The following FOXP2 variants were observed in gnomAD, a reference collection of about 807,000 sequenced individuals.
The protein encoded by FOXP2 is forkhead box P2, also known as forkhead box protein P2.
Under a neutral mutation model 115.8 loss-of-function variants are expected in FOXP2, and 12 were observed. That is an observed-to-expected ratio of 0.10 (90% confidence interval 0.07 to 0.17). FOXP2 has a LOEUF of 0.17. Among genes scored for constraint, FOXP2 ranks in the 10% least tolerant of loss-of-function variants. FOXP2 has a pLI of 1.00. For missense variants in FOXP2, 629 were observed against 843.5 expected (o/e 0.75, Z 3.15); for synonymous variants, 328 against 297.7 (o/e 1.10, Z -1.05).
chr7:114,651,447 A>G (rs2129337410), intron 8 of FOXP2, among the ~76,000 whole-genome samples: 1 of 152,246 alleles, frequency 6.6e-6, no homozygotes, highest in South Asian at 2.1e-4. Context: ...GCTTTACTAA[A>G]TTACTTTTGG....
intron 2 of FOXP2, among the ~76,000 whole-genome samples, chr7:114,361,902 C>G (rs1791753815): frequency 6.6e-6 from 1 of 152,014 alleles, no homozygotes; most frequent in African/African-American, 2.4e-5. Context: ...GTGAATAATA[C>G]TTCTGGGTCA....
In FOXP2 at chr7:114,296,492, G is replaced by GC. The variant is rs966954167; in HGVS notation, c.-11+8383_-11+8384insC. The stretch of plus-strand genomic sequence containing the variant: ...CCTTTTCTGAAAAGTATCCTGTGGA[G>GC]TTTTTTTTTTCTTTTTGAATAAGAC... On this transcript the variant is annotated intron_variant, in intron 2 of 17. Coordinates refer to the FOXP2 transcript ENST00000634411. Among the ~76,000 whole-genome samples, 9 of 149,586 alleles carry GC rather than the reference G, an allele frequency of 6.0e-5. No homozygotes were observed. The East Asian group carries it at 1.8e-3, about 29-fold the overall frequency.
chr7:114,332,722 C>T (rs944430365), intron 2 of FOXP2, among the ~76,000 whole-genome samples: 13 of 152,058 alleles, frequency 8.5e-5, no homozygotes, highest in African/African-American at 3.1e-4. Flanking sequence ...AAATTTGTTG[C>T]CCCCATTCAT....
At chr7:114,684,949 A>G (rs978966643) in intron 16 of FOXP2, among the ~76,000 whole-genome samples, 2 of 152,038 alleles carry the variant, frequency 1.3e-5, no homozygotes, top group Admixed American at 1.3e-4. Context: ...GGCTAGTTCA[A>G]TGAACCATTT....
chr7:114,572,801 T>C (rs952627714), intron 3 of FOXP2, among the ~76,000 whole-genome samples: 1 of 151,914 alleles, frequency 6.6e-6, no homozygotes, highest in African/African-American at 2.4e-5. Context: ...CAAAAGTTTA[T>C]ATTTTCACTG....
intron 3 of FOXP2, chr7:114,538,480 T>G: frequency 1.6e-6 from 1 of 629,598 alleles, no homozygotes; most frequent in Non-Finnish European, 2.4e-6. Flanking sequence ...AAAGTTCTCC[T>G]TTCTAATAGG....
intron 1 of FOXP2, chr7:114,285,366 C>G (rs1796442244): frequency 6.6e-6 from 1 of 151,928 alleles, no homozygotes; most frequent in African/African-American, 2.4e-5. Flanking sequence ...ACTTCTATTA[C>G]CTAAATAATA....
intron 2 of FOXP2, among the ~76,000 whole-genome samples, chr7:114,367,754 AAGC>A (rs1791914929): frequency 6.6e-6 from 1 of 152,148 alleles, no homozygotes; most frequent in Non-Finnish European, 1.5e-5. Context: ...CGTTTCTCTA[AAGC>A]TAGCATTTCC....
Position 114,693,485 on chromosome 7 carries a change from C to A in FOXP2, c.*3559C>A, listed in dbSNP as rs1808782496. The A allele has an allele frequency of 4.4e-6, 2 of 452,656 alleles. No homozygotes were observed. The allele number at this position is 452,656 out of a possible 1,614,324, so 28.0% of individuals were successfully genotyped here. ...TTCATCTTACACATGCCAGTATTAA[C>A]ACACATTTGGACAATAGCTTTATTA... On this transcript the variant is annotated 3_prime_UTR_variant, in exon 17 of 17. Coordinates refer to ENST00000350908, the MANE Select transcript of FOXP2 (RefSeq NM_014491.4).
intron 16 of FOXP2, among the ~76,000 whole-genome samples, chr7:114,684,568 C>T (rs924883879): frequency 1.3e-5 from 2 of 152,094 alleles, no homozygotes; most frequent in East Asian, 1.9e-4. Flanking sequence ...TTTGAATATT[C>T]GCAGGTCATT....
intron 3 of FOXP2, among the ~76,000 whole-genome samples, chr7:114,557,787 C>CTTTATTTATTTATTTA (rs59243864): frequency 1.6e-4 from 23 of 148,120 alleles, no homozygotes; most frequent in African/African-American, 5.3e-4. Flanking sequence ...ACTGAACTGA[C>CTTTATTTATTTATTTA]TTTATTTATT....
chr7:114,409,406 T>A (rs550013093), upstream of FOXP2, among the ~76,000 whole-genome samples: 5 of 152,290 alleles, frequency 3.3e-5, no homozygotes, highest in East Asian at 5.8e-4. Context: ...TGTCAAAATA[T>A]CAGTTGTATG....
chr7:114,336,036 A>G (rs558148263), intron 2 of FOXP2, among the ~76,000 whole-genome samples: 65 of 151,898 alleles, frequency 4.3e-4, no homozygotes, highest in African/African-American at 1.5e-3. Context: ...CAGTGGCATG[A>G]GTGTGGTAAA....
intron 2 of FOXP2, among the ~76,000 whole-genome samples, chr7:114,452,153 C>T (rs1433908803): frequency 3.3e-5 from 5 of 151,814 alleles, no homozygotes; most frequent in Non-Finnish European, 5.9e-5. Flanking sequence ...TTTCTTTCTT[C>T]CTGGCAGTGA....
intron 13 of FOXP2, among the ~76,000 whole-genome samples, chr7:114,660,264 T>TA (rs1173909141): frequency 3.9e-5 from 6 of 151,976 alleles, no homozygotes; most frequent in Non-Finnish European, 7.4e-5. Flanking sequence ...TACAAGGAGC[T>TA]AAAAAAAATG....
chr7:114,234,492 C>T (rs1404784171), intron 1 of FOXP2, among the ~76,000 whole-genome samples: 1 of 152,176 alleles, frequency 6.6e-6, no homozygotes, highest in African/African-American at 2.4e-5. Flanking sequence ...TTAACGTTAG[C>T]AATATAGCTT....
chr7:114,243,080 T>C (rs2129167930), intron 1 of FOXP2, among the ~76,000 whole-genome samples: 1 of 152,204 alleles, frequency 6.6e-6, no homozygotes, highest in South Asian at 2.1e-4. Context: ...CCATACTACA[T>C]TGTATTGATT....
intron 2 of FOXP2, among the ~76,000 whole-genome samples, chr7:114,348,141 C>CG (rs1461088887): frequency 6.6e-6 from 1 of 151,950 alleles, no homozygotes. Context: ...AGTTTTATAG[C>CG]AAGAATTGTT....
intron 3 of FOXP2, among the ~76,000 whole-genome samples, chr7:114,552,887 A>C (rs1800280017): frequency 6.6e-6 from 1 of 152,324 alleles, no homozygotes; most frequent in Non-Finnish European, 1.5e-5. Flanking sequence ...ACTTAGCTTT[A>C]TCGCCTAAAT....
Sources: allele counts gnomAD v4.1 joint callset (sites outside exome capture counted in the v4.1 genomes callset), GRCh38; gene constraint gnomAD v4.1.1; transcripts MANE v1.5; gene names NCBI Gene and HGNC (gene_info 2026-07-23, HGNC 2026-07-21).